ECI2: variants seen among roughly 807,000 people sequenced by gnomAD.
ECI2 encodes the protein enoyl-CoA delta isomerase 2.
A neutral mutation model predicts 38.4 loss-of-function variants in ECI2; 27 were observed. The observed-to-expected ratio is 0.70, with a 90% CI of 0.52 to 0.97. ECI2 has a LOEUF of 0.97. ECI2 is among the 50% of genes least tolerant of loss of function. The pLI is 0.00. For synonymous variants in ECI2, 168 were observed against 172.0 expected (o/e 0.98, Z 0.18); for missense variants, 470 against 474.4 (o/e 0.99, Z 0.09).
At chr6:4,122,121 G>A (rs1772833819) in intron 7 of ECI2, 1 of 887,112 alleles carries the variant, frequency 1.1e-6, no homozygotes, top group Admixed American at 2.5e-5. Context: ...GGAGTTAAGG[G>A]TTTAGGCTCT....
At chr6:4,121,640 T>C (rs1408242119) in intron 7 of ECI2, among the ~76,000 whole-genome samples, 1 of 152,054 alleles carries the variant, frequency 6.6e-6, no homozygotes, top group Non-Finnish European at 1.5e-5. Flanking sequence ...TTTGGTTGGC[T>C]TTAACTACTG....
At chr6:4,129,154 G>A (rs373876964) in intron 4 of ECI2, among the ~76,000 whole-genome samples, 9 of 149,194 alleles carry the variant, frequency 6.0e-5, no homozygotes, top group South Asian at 2.1e-4. Flanking sequence ...GTCTCATTGC[G>A]AGGCCCAGGC....
intron 6 of ECI2, 174 bp from the exon 7 acceptor site, chr6:4,125,544 C>G (rs1773093084): frequency 1.1e-6 from 1 of 899,542 alleles, no homozygotes; most frequent in South Asian, 1.7e-5. Flanking sequence ...CCAGATTCAT[C>G]CAGGGCATCC....
intron 9 of ECI2, among the ~76,000 whole-genome samples, chr6:4,116,817 C>T (rs1247041455): frequency 6.6e-6 from 1 of 152,136 alleles, no homozygotes; most frequent in African/African-American, 2.4e-5. Context: ...GCATATAAAT[C>T]GCTTCAGTAG....
intron 7 of ECI2, among the ~76,000 whole-genome samples, chr6:4,119,522 T>C (rs561642627): frequency 6.6e-6 from 1 of 152,150 alleles, no homozygotes; most frequent in Non-Finnish European, 1.5e-5. Flanking sequence ...GGTTTCGCCC[T>C]GTTGGCCAGG....
intron 2 of ECI2, 127 bp from the exon 3 acceptor site, chr6:4,130,992 G>T (rs1369026312): frequency 9.8e-6 from 8 of 817,864 alleles, no homozygotes; most frequent in Non-Finnish European, 1.5e-5. Flanking sequence ...TATGTAAATT[G>T]ATCTGAATTT....
At chr6:4,123,878 T>C (rs1772973318) in intron 7 of ECI2, among the ~76,000 whole-genome samples, 1 of 151,994 alleles carries the variant, frequency 6.6e-6, no homozygotes, top group Non-Finnish European at 1.5e-5. Context: ...GGAGAATCGC[T>C]TGAACCCGGG....
At chr6:4,125,867 A>G (rs1378233919) in intron 6 of ECI2, 1 of 564,320 alleles carries the variant, frequency 1.8e-6, no homozygotes, top group South Asian at 1.7e-5. Context: ...GCCTCAGTGC[A>G]AGATAATTTT....
At chr6:4,130,178 C>T in intron 4 of ECI2, 194 bp downstream of exon 4, 2 of 1,613,846 alleles carry the variant, frequency 1.2e-6, no homozygotes, top group South Asian at 1.1e-5. Context: ...TCAGAACCTA[C>T]CTGAAATTCA....
chr6:4,121,187 A>G (rs924102454), intron 7 of ECI2, among the ~76,000 whole-genome samples: 15 of 152,208 alleles, frequency 9.9e-5, no homozygotes, highest in African/African-American at 2.7e-4. Flanking sequence ...TTTAATTTAC[A>G]TGTCCCTAAC....
chr6:4,130,915 C>G (rs746978768), intron 2 of ECI2, 50 bp from the exon 3 acceptor site: 2 of 1,546,798 alleles, frequency 1.3e-6, no homozygotes, highest in South Asian at 2.3e-5. Context: ...TAAACTAGAC[C>G]CCTAAATATT....
intron 8 of ECI2, 122 bp downstream of exon 8, chr6:4,119,063 CA>C (rs1772481728): frequency 2.5e-6 from 2 of 799,228 alleles, no homozygotes; most frequent in Admixed American, 3.1e-5. Context: ...AGTTGAAAAG[CA>C]AATCATTAGC....
rs1468973518 is a variant in ECI2 at position 4,115,739 on chromosome 6, T to C, written c.*135A>G. On this transcript the variant is annotated 3_prime_UTR_variant, in exon 10 of 10. Transcript: ENST00000380118. ...CAAAACTTTTTATTCATCAGAGCTG[T>C]AGTGAAATATCATCATTGTAATTGA... 1.5e-5 allele frequency: 20 copies of C among 1,324,600 alleles called. No individual in the cohort carries two copies. In the Admixed American group the frequency reaches 3.4e-4, roughly 22 times the overall value. 82.1% of individuals were successfully genotyped at this position (1,324,600 alleles called of 1,614,324 possible). A position where few individuals can be genotyped will look rare whatever the true frequency, so the allele number is the denominator to read the frequency against.
intron 2 of ECI2, 88 bp downstream of exon 2, chr6:4,133,461 G>C: frequency 2.0e-6 from 3 of 1,473,390 alleles, no homozygotes; most frequent in Non-Finnish European, 1.8e-6. Flanking sequence ...AAAATGTTAA[G>C]GCCACATTTT....
Position 4,126,244 on chromosome 6 carries a change from G to T in ECI2, c.572-7C>A. The T allele has an allele frequency of 6.2e-7, 1 of 1,605,240 alleles. No homozygotes were observed. The highest frequency in any genetic ancestry group is 8.5e-7 in the Non-Finnish European group (1 of 1,175,076). On this transcript the variant is annotated splice_region_variant and splice_polypyrimidine_tract_variant and intron_variant, in intron 5 of 9. Transcript: ENST00000380118. ...CTGTAATAGTCACCATTTCCTATAA[G>T]TAAGAAAATCAACAGATCCCTCATT...
At chr6:4,117,639 T>G in intron 8 of ECI2, 188 bp from the exon 9 acceptor site, 3 of 686,592 alleles carry the variant, frequency 4.4e-6, no homozygotes. Flanking sequence ...GACAGGCTCC[T>G]GGGAAGGTCT....
At position 4,133,669 on chromosome 6, in the gene ECI2, C is replaced by G; in HGVS notation, c.93G>C (p.Met31Ile). Residue 31 changes from methionine (M) to isoleucine (I), a missense_variant, in exon 2 of 10, where the codon ATG becomes ATC. Coordinates refer to ENST00000380118, the MANE Select transcript of ECI2 (RefSeq NM_206836.3). ...VTSFPVVQLH[M>I]NRTAMRASQK... is the part of the protein sequence containing the mutation. ...GACTGGCTCTCATTGCTGTTCTATT[C>G]ATGTGCAGCTGAACTACCGGGAAAC... The G allele has an allele frequency of 6.2e-7, 1 of 1,613,300 alleles. No individual in the cohort carries two copies. The highest frequency in any genetic ancestry group is 1.1e-5 in the South Asian group (1 of 90,806).
intron 1 of ECI2, among the ~76,000 whole-genome samples, chr6:4,134,371 T>A (rs536962836): frequency 7.2e-5 from 11 of 152,200 alleles, no homozygotes; most frequent in Middle Eastern, 3.4e-3. Context: ...TCTATGGGTA[T>A]GTTTAACCAG....
intron 2 of ECI2, 58 bp from the exon 3 acceptor site, chr6:4,130,923 A>AT (rs1230220309): frequency 6.6e-6 from 10 of 1,515,392 alleles, no homozygotes; most frequent in Non-Finnish European, 9.1e-6. Flanking sequence ...ACCCCTAAAT[A>AT]TTTAAGATCC....
Sources: gnomAD v4.1 joint callset for allele counts (sites outside exome capture counted in the v4.1 genomes callset) on GRCh38, gnomAD v4.1.1 for gene constraint, MANE v1.5 for transcripts, NCBI Gene and HGNC (gene_info 2026-07-23, HGNC 2026-07-21) for gene names.